Variants in CFAP44 observed in about 807,000 individuals in gnomAD.
CFAP44 encodes the protein cilia and flagella associated protein 44.
CFAP44 carries 134 observed loss-of-function variants against 216.2 expected under a neutral mutation model. The observed-to-expected ratio is 0.62, with a 90% CI of 0.54 to 0.72. The LOEUF (loss-of-function observed/expected upper bound fraction) is 0.72. CFAP44 is among the 30% of genes least tolerant of loss of function. The probability of loss-of-function intolerance (pLI) is 0.00; values close to 1 mark genes in which losing one functional copy is unlikely to be tolerated. For missense variants in CFAP44, 2,035 were observed against 2,182.1 expected (o/e 0.93, Z 1.34); for synonymous variants, 700 against 727.6 (o/e 0.96, Z 0.61).
At position 113,386,649 on chromosome 3, in the gene CFAP44, G is replaced by C. The variant is rs147753437; in HGVS notation, c.1891-5589C>G. Among the ~76,000 whole-genome samples, 175 of 152,294 alleles carry C rather than the reference G, an allele frequency of 1.1e-3. 1 individual carries two copies. Among genetic ancestry groups the C allele is most frequent in the African/African-American group, 3.2e-3 (132 of 41,558 alleles). On this transcript the variant is annotated intron_variant, in intron 15 of 34. Transcript: ENST00000393845. ...AGGGAGGAGGCAGAGCAAGATGGCTGATTAGAAGCCTCCACCAATTGACCT... is the reference window on the plus strand; with the variant it reads ...AGGGAGGAGGCAGAGCAAGATGGCTCATTAGAAGCCTCCACCAATTGACCT...
At chr3:113,356,571 A>G (rs186142941) in intron 22 of CFAP44, among the ~76,000 whole-genome samples, 241 of 152,344 alleles carry the variant, frequency 1.6e-3, no homozygotes, top group Non-Finnish European at 2.5e-3. Flanking sequence ...TTATGACAAA[A>G]GCATCACTAC....
In CFAP44 at chr3:113,380,870, T is replaced by A. The variant is rs570483717; in HGVS notation, c.2052+29A>T. 14 of 1,497,856 alleles carry A rather than the reference T, an allele frequency of 9.3e-6. 1 individual carries two copies. The South Asian group carries it at 2.0e-4, about 21-fold the overall frequency. The allele number at this position is 1,497,856 out of a possible 1,614,324, so 92.8% of individuals were successfully genotyped here. A position where few individuals can be genotyped will look rare whatever the true frequency, so the allele number is the denominator to read the frequency against. On this transcript the variant is annotated intron_variant, in intron 16 of 34. Transcript: ENST00000393845. Reference sequence around the variant, plus strand: ...ATATTCTAAGGAAAGGAAATTATTATAAGATAATGCTTCAGGAATATTCCA... The same window carrying A: ...ATATTCTAAGGAAAGGAAATTATTAAAAGATAATGCTTCAGGAATATTCCA...
At chr3:113,340,004 A>G (rs1950316282) in intron 24 of CFAP44, among the ~76,000 whole-genome samples, 1 of 152,198 alleles carries the variant, frequency 6.6e-6, no homozygotes, top group South Asian at 2.1e-4. Flanking sequence ...GAGAGGGTCA[A>G]TTGGCGTGGT....
intron 18 of CFAP44, among the ~76,000 whole-genome samples, chr3:113,369,594 T>C (rs1181245300): frequency 6.6e-6 from 1 of 152,146 alleles, no homozygotes; most frequent in African/African-American, 2.4e-5. Context: ...TAGAGGGAAA[T>C]TTATAGCACT....
At chr3:113,430,551 CA>C (rs2107411184) in intron 2 of CFAP44, among the ~76,000 whole-genome samples, 1 of 151,900 alleles carries the variant, frequency 6.6e-6, no homozygotes, top group South Asian at 2.1e-4. Context: ...CATAAATCTG[CA>C]ACATCAAGAA....
intron 26 of CFAP44, 99 bp downstream of exon 26, chr3:113,330,069 A>C: frequency 7.2e-7 from 1 of 1,394,402 alleles, no homozygotes; most frequent in Non-Finnish European, 9.4e-7. Flanking sequence ...GGAAAGGTTC[A>C]TGCAGAGAAA....
intron 24 of CFAP44, among the ~76,000 whole-genome samples, chr3:113,339,564 C>T (rs1950311615): frequency 6.6e-6 from 1 of 152,202 alleles, no homozygotes; most frequent in Non-Finnish European, 1.5e-5. Context: ...TGCCATGAAG[C>T]ATGGTCTCCT....
intron 22 of CFAP44, among the ~76,000 whole-genome samples, chr3:113,349,763 A>G (rs961396137): frequency 1.3e-5 from 2 of 152,122 alleles, no homozygotes; most frequent in Non-Finnish European, 2.9e-5. Context: ...ATGTTTAACC[A>G]TTGAGGACCA....
At chr3:113,380,017 C>T (rs1205780144) in intron 16 of CFAP44, among the ~76,000 whole-genome samples, 3 of 152,112 alleles carry the variant, frequency 2.0e-5, no homozygotes, top group African/African-American at 7.2e-5. Flanking sequence ...GAATAATCTT[C>T]CTAACTTATT....
At chr3:113,340,462 G>A (rs1334510788) in intron 24 of CFAP44, among the ~76,000 whole-genome samples, 1 of 152,186 alleles carries the variant, frequency 6.6e-6, no homozygotes, top group African/African-American at 2.4e-5. Context: ...GCAGGGTTTC[G>A]AAAGAGAGGC....
At position 113,395,745 on chromosome 3, in the gene CFAP44, C is replaced by T. The variant is rs753705389; in HGVS notation, c.1890+5G>A. 1 of 1,591,822 alleles carries T rather than the reference C, an allele frequency of 6.3e-7. No homozygotes were observed. The highest frequency in any genetic ancestry group is 8.6e-7 in the Non-Finnish European group (1 of 1,168,254). On this transcript the variant is annotated splice_donor_5th_base_variant and intron_variant, in intron 15 of 34. Coordinates refer to ENST00000393845, the MANE Select transcript of CFAP44 (RefSeq NM_001164496.2). Reference sequence around the variant, plus strand: ...CAAACAGGAAGACAAATAATAATGACTTACATGAGACATGGGAGACCACAT... The same window carrying T: ...CAAACAGGAAGACAAATAATAATGATTTACATGAGACATGGGAGACCACAT...
At chr3:113,294,636 T>C in intron 34 of CFAP44, 51 bp downstream of exon 34, 1 of 1,475,750 alleles carries the variant, frequency 6.8e-7, no homozygotes, top group Non-Finnish European at 8.9e-7. Context: ...ATAGCTACCT[T>C]TGACAGAGCT....
chr3:113,296,706 A>C lies in CFAP44; in HGVS notation c.5238+19T>G, dbSNP rs808950. On this transcript the variant is annotated intron_variant, in intron 33 of 34. Transcript: ENST00000393845. ...TCCAGCCAGATTCAACCAAAGATCAACCCCCTTCTCTTCCTTACCTCCCAC... is the reference window on the plus strand; with the variant it reads ...TCCAGCCAGATTCAACCAAAGATCACCCCCCTTCTCTTCCTTACCTCCCAC... 0.75 allele frequency: 1,148,976 copies of C among 1,533,236 alleles called. 432,379 individuals are homozygous for C. Among genetic ancestry groups the C allele is most frequent in the Admixed American group, 0.84 (42,840 of 50,908 alleles). 95.0% of individuals were successfully genotyped at this position (1,533,236 alleles called of 1,614,324 possible).
chr3:113,310,721 A>G (rs892276247), intron 28 of CFAP44, among the ~76,000 whole-genome samples: 4 of 152,142 alleles, frequency 2.6e-5, no homozygotes, highest in Non-Finnish European at 5.9e-5. Flanking sequence ...TCAGGGAGGA[A>G]TCCCTCGAAT....
At chr3:113,412,489 G>A (rs952412089) in intron 6 of CFAP44, among the ~76,000 whole-genome samples, 2 of 151,086 alleles carry the variant, frequency 1.3e-5, no homozygotes, top group Admixed American at 6.6e-5. Context: ...GTGGTCTGCT[G>A]CACCTATTGA....
In CFAP44 at chr3:113,287,826, G is replaced by C. The variant is rs895113048; in HGVS notation, c.*3731C>G. 9 of 152,192 alleles carry C rather than the reference G, an allele frequency of 5.9e-5. No individual in the cohort carries two copies. Among genetic ancestry groups the C allele is most frequent in the African/African-American group, 2.2e-4 (9 of 41,418 alleles). The allele number at this position is 152,192 out of a possible 1,614,324, so 9.4% of individuals were successfully genotyped here. A position where few individuals can be genotyped will look rare whatever the true frequency, so the allele number is the denominator to read the frequency against. On this transcript the variant is annotated 3_prime_UTR_variant, in exon 35 of 35. Transcript: ENST00000393845. ...TTTCTCCAAAATACTGTTTAGCTAA[G>C]TGCTGTGCCACACATGGACATATGG...
intron 5 of CFAP44, among the ~76,000 whole-genome samples, chr3:113,417,929 AG>A (rs1258528092): frequency 6.6e-6 from 1 of 152,244 alleles, no homozygotes. Context: ...ATCTGGATGA[AG>A]ATTCATGCAA....
chr3:113,427,120 C>T, intron 3 of CFAP44, 67 bp downstream of exon 3: 1 of 1,507,188 alleles, frequency 6.6e-7, no homozygotes, highest in Non-Finnish European at 9.1e-7. Context: ...ATTTATAACT[C>T]TTCCATTTGT....
At chr3:113,413,079 G>A (rs1215419503) in intron 6 of CFAP44, among the ~76,000 whole-genome samples, 1 of 152,162 alleles carries the variant, frequency 6.6e-6, no homozygotes, top group African/African-American at 2.4e-5. Flanking sequence ...ACTGGCATGA[G>A]ATGGTATCTC....
Sources: allele counts gnomAD v4.1 joint callset (sites outside exome capture counted in the v4.1 genomes callset), GRCh38; gene constraint gnomAD v4.1.1; transcripts MANE v1.5; gene names NCBI Gene and HGNC (gene_info 2026-07-23, HGNC 2026-07-21).